Variants in TPO observed in about 807,000 individuals in gnomAD.
TPO encodes thyroid microsomal antigen.
A neutral mutation model predicts 96.9 loss-of-function variants in TPO; 78 were observed. The ratio of observed to expected loss-of-function variants is 0.81; its 90% CI spans 0.67 to 0.97. The LOEUF (loss-of-function observed/expected upper bound fraction) is 0.97, where lower values mean the gene tolerates loss of function less well. Among genes scored for constraint, TPO ranks in the 50% least tolerant of loss-of-function variants. The probability of loss-of-function intolerance (pLI) is 0.00; values close to 1 mark genes in which losing one functional copy is unlikely to be tolerated. For synonymous variants in TPO, 547 were observed against 538.0 expected, an observed-to-expected ratio of 1.02 and a Z score of -0.23; for missense variants, 1,252 against 1,274.8, an observed-to-expected ratio of 0.98 and a Z score of 0.27.
chr2:1,475,135 A>T (rs1669773619), intron 7 of TPO, among the ~76,000 whole-genome samples: 1 of 152,190 alleles, frequency 6.6e-6, no homozygotes, highest in Admixed American at 6.5e-5. Flanking sequence ...AGTCTCTTTG[A>T]ATCAGTGAGT....
chr2:1,455,594 T>C (rs1419725261), intron 6 of TPO, among the ~76,000 whole-genome samples: 2 of 152,158 alleles, frequency 1.3e-5, no homozygotes, highest in African/African-American at 4.8e-5. Flanking sequence ...AACAGATGTC[T>C]GCGTGGAGAA....
At chr2:1,477,939 C>A in intron 8 of TPO, 8 of 984,782 alleles carry the variant, frequency 8.1e-6, no homozygotes, top group Non-Finnish European at 9.6e-6. Context: ...AGCCCCACAA[C>A]AGTGGCAGCC....
chr2:1,448,026 C>T (rs931376074), intron 5 of TPO, among the ~76,000 whole-genome samples: 1 of 152,178 alleles, frequency 6.6e-6, no homozygotes, highest in Admixed American at 6.5e-5. Flanking sequence ...AGAAGCCTCA[C>T]GGGATTCTGT....
intron 1 of TPO, among the ~76,000 whole-genome samples, chr2:1,395,275 T>C (rs1348258212): frequency 6.6e-6 from 1 of 152,112 alleles, no homozygotes; most frequent in African/African-American, 2.4e-5. Flanking sequence ...CCAGCCACAC[T>C]GTAATCCAAG....
rs139898419 is a variant in TPO, at chr2:1,426,496, A to G, written c.179+3367A>G. On this transcript the variant is annotated intron_variant, in intron 3 of 16. Transcript: ENST00000329066. ...ACAGAGATGAGTTCGATCATTTCAT[A>G]TCCTCAAAAGTCCATGCTCCTTCTG... 2.2e-3 allele frequency among the ~76,000 whole-genome samples: 341 copies of G among 152,272 alleles called. 6 individuals carry two copies. The highest frequency in any genetic ancestry group is 7.7e-3 in the African/African-American group (319 of 41,534).
chr2:1,421,797 G>A (rs1027019297), intron 2 of TPO, among the ~76,000 whole-genome samples: 1 of 152,076 alleles, frequency 6.6e-6, no homozygotes, highest in Non-Finnish European at 1.5e-5. Flanking sequence ...CCGATCCTGC[G>A]ACGCCCAGGC....
At chr2:1,509,159 G>C (rs1673799145) in intron 14 of TPO, among the ~76,000 whole-genome samples, 1 of 152,332 alleles carries the variant, frequency 6.6e-6, no homozygotes, top group African/African-American at 2.4e-5. Flanking sequence ...TAGTCATTCA[G>C]GAGCAGGTTG....
At chr2:1,438,031 G>C (rs1051471917) in intron 5 of TPO, among the ~76,000 whole-genome samples, 2 of 152,104 alleles carry the variant, frequency 1.3e-5, no homozygotes, top group Non-Finnish European at 2.9e-5. Context: ...GAGGGGATGG[G>C]GCTGGAGGGC....
chr2:1,424,772 T>G (rs771273111), intron 3 of TPO, among the ~76,000 whole-genome samples: 1 of 152,212 alleles, frequency 6.6e-6, no homozygotes, highest in Non-Finnish European at 1.5e-5. Flanking sequence ...ATGAGTTCGA[T>G]CATTTCATAT....
At chr2:1,450,529 T>C (rs1667214284) in intron 5 of TPO, among the ~76,000 whole-genome samples, 1 of 152,142 alleles carries the variant, frequency 6.6e-6, no homozygotes, top group South Asian at 2.1e-4. Flanking sequence ...TTAATTCAGA[T>C]CTAAGAAAGG....
intron 7 of TPO, among the ~76,000 whole-genome samples, chr2:1,472,169 G>A (rs1669485390): frequency 6.6e-6 from 1 of 151,850 alleles, no homozygotes; most frequent in African/African-American, 2.4e-5. Context: ...AAATGCTCAT[G>A]GCATGCCCTT....
At chr2:1,403,744 C>T (rs1050021441) in intron 1 of TPO, among the ~76,000 whole-genome samples, 2 of 152,208 alleles carry the variant, frequency 1.3e-5, no homozygotes, top group East Asian at 3.9e-4. Context: ...TCCCTCCTTC[C>T]GAGCACACCG....
intron 1 of TPO, among the ~76,000 whole-genome samples, chr2:1,404,071 G>A (rs147087610): frequency 6.6e-6 from 1 of 152,214 alleles, no homozygotes; most frequent in African/African-American, 2.4e-5. Context: ...CATAGCTATG[G>A]ATCTCCCGAG....
chr2:1,496,388 T>C (rs1321721095), intron 12 of TPO, among the ~76,000 whole-genome samples, 191 bp downstream of exon 12: 2 of 152,052 alleles, frequency 1.3e-5, no homozygotes, highest in Non-Finnish European at 2.9e-5. Flanking sequence ...AGAAAGGAAC[T>C]GGAGGCCTAG....
At chr2:1,381,353 C>T (rs1265690888) in intron 1 of TPO, among the ~76,000 whole-genome samples, 4 of 152,162 alleles carry the variant, frequency 2.6e-5, no homozygotes, top group Non-Finnish European at 4.4e-5. Flanking sequence ...AGGATATGAA[C>T]AGACACTTCT....
intron 14 of TPO, among the ~76,000 whole-genome samples, chr2:1,506,940 T>C (rs1329753433): frequency 1.3e-5 from 2 of 152,122 alleles, no homozygotes; most frequent in Non-Finnish European, 2.9e-5. Context: ...TTTGGTGTTT[T>C]AGACATGAAG....
chr2:1,397,735 C>T (rs1573059426), intron 1 of TPO, among the ~76,000 whole-genome samples: 1 of 152,122 alleles, frequency 6.6e-6, no homozygotes, highest in East Asian at 1.9e-4. Context: ...GGGGAAGGGG[C>T]TCCTCCATCC....
chr2:1,429,680 G>C (rs191372278), intron 3 of TPO, among the ~76,000 whole-genome samples: 92 of 152,324 alleles, frequency 6.0e-4, no homozygotes, highest in African/African-American at 2.1e-3. Context: ...GGGAACTGGA[G>C]GTAGAGGCCG....
intron 10 of TPO, among the ~76,000 whole-genome samples, chr2:1,488,401 G>C (rs972823003): frequency 7.9e-5 from 12 of 152,058 alleles, no homozygotes; most frequent in Non-Finnish European, 1.3e-4. Flanking sequence ...GTCACATCAG[G>C]ACTGCTGTTA....
Sources: gnomAD v4.1 joint callset for allele counts (sites outside exome capture counted in the v4.1 genomes callset) on GRCh38, gnomAD v4.1.1 for gene constraint, MANE v1.5 for transcripts, NCBI Gene and HGNC (gene_info 2026-07-23, HGNC 2026-07-21) for gene names.